RNGTT: variants seen among roughly 807,000 people sequenced by gnomAD.
The protein encoded by RNGTT is RNA guanylyltransferase and 5'-phosphatase.
RNGTT carries 33 observed loss-of-function variants against 79.3 expected under a neutral mutation model. The observed-to-expected ratio is 0.42, with a 90% CI of 0.32 to 0.56. RNGTT has a LOEUF of 0.56. Among genes scored for constraint, RNGTT ranks in the 20% least tolerant of loss-of-function variants. RNGTT has a pLI of 0.17. For synonymous variants in RNGTT, 222 were observed against 235.9 expected (o/e 0.94, Z 0.54); for missense variants, 497 against 739.1 (o/e 0.67, Z 3.80).
intron 11 of RNGTT, among the ~76,000 whole-genome samples, chr6:88,818,598 A>T (rs1238783887): frequency 2.0e-5 from 3 of 152,210 alleles, no homozygotes; most frequent in Admixed American, 6.5e-5. Flanking sequence ...AAAAAAGTTT[A>T]TTTCGTCCAT....
At chr6:88,702,437 T>C (rs914046720) in intron 13 of RNGTT, among the ~76,000 whole-genome samples, 1 of 152,140 alleles carries the variant, frequency 6.6e-6, no homozygotes, top group Non-Finnish European at 1.5e-5. Flanking sequence ...TTTGACAAAG[T>C]TGACAAAAAT....
intron 12 of RNGTT, among the ~76,000 whole-genome samples, chr6:88,772,957 A>C (rs1327395243): frequency 6.6e-6 from 1 of 151,800 alleles, no homozygotes; most frequent in South Asian, 2.1e-4. Flanking sequence ...TGACCCAGCC[A>C]TCCCATTACT....
chr6:88,712,659 A>G (rs1457890833), intron 13 of RNGTT, among the ~76,000 whole-genome samples: 4 of 152,204 alleles, frequency 2.6e-5, no homozygotes, highest in Non-Finnish European at 4.4e-5. Flanking sequence ...TAACTGAGCT[A>G]TGGTCTCTAA....
At chr6:88,947,011 C>A (rs1389266532) in intron 1 of RNGTT, among the ~76,000 whole-genome samples, 2 of 52,330 alleles carry the variant, frequency 3.8e-5, no homozygotes, top group East Asian at 8.8e-4. Flanking sequence ...CACCTCCCAG[C>A]CGCCTGCCTT....
At chr6:88,850,154 C>G (rs1470316811) in intron 9 of RNGTT, among the ~76,000 whole-genome samples, 1 of 151,884 alleles carries the variant, frequency 6.6e-6, no homozygotes, top group African/African-American at 2.4e-5. Context: ...AAATTCTAAA[C>G]GTCAGGATCT....
intron 11 of RNGTT, among the ~76,000 whole-genome samples, chr6:88,843,973 T>C (rs186608039): frequency 5.2e-4 from 79 of 151,198 alleles, no homozygotes; most frequent in South Asian, 1.2e-3. Flanking sequence ...CATACACATA[T>C]ATATAAATGT....
At chr6:88,874,409 G>T (rs998891347) in intron 8 of RNGTT, among the ~76,000 whole-genome samples, 1 of 151,952 alleles carries the variant, frequency 6.6e-6, no homozygotes, top group Non-Finnish European at 1.5e-5. Context: ...AAGATCAAAA[G>T]AATTTTCCCA....
At chr6:88,924,316 A>G (rs562875170) in intron 4 of RNGTT, among the ~76,000 whole-genome samples, 3 of 152,136 alleles carry the variant, frequency 2.0e-5, no homozygotes, top group African/African-American at 7.2e-5. Flanking sequence ...AAGTGAGAAA[A>G]ATTTTTTTCA....
chr6:88,890,275 T>C (rs1445221795), intron 8 of RNGTT, among the ~76,000 whole-genome samples: 1 of 152,220 alleles, frequency 6.6e-6, no homozygotes, highest in East Asian at 1.9e-4. Flanking sequence ...TATGTTAAAC[T>C]AGCTAAGCTC....
chr6:88,697,367 C>A (rs1161922978), intron 13 of RNGTT, among the ~76,000 whole-genome samples: 1 of 151,600 alleles, frequency 6.6e-6, no homozygotes, highest in Non-Finnish European at 1.5e-5. Flanking sequence ...CTGGCTAACA[C>A]GGTGAAACCC....
In RNGTT at chr6:88,771,315, G is replaced by GTATATATATA. The variant is rs539282627; in HGVS notation, c.1339-1451_1339-1442dup. ...ACTGTATGTATGTATGTGTGTGTGT[G>GTATATATATA]TATATATATATATATATATATATAT... On this transcript the variant is annotated intron_variant, in intron 12 of 15. Coordinates refer to ENST00000369485, the MANE Select transcript of RNGTT (RefSeq NM_003800.5). Among the ~76,000 whole-genome samples, 457 of 61,938 alleles carry GTATATATATA rather than the reference G, an allele frequency of 7.4e-3. 5 individuals are homozygous for GTATATATATA. Among genetic ancestry groups the GTATATATATA allele is most frequent in the South Asian group, 0.014 (25 of 1,732 alleles). The allele number at this position is 61,938 out of a possible 152,430, so 40.6% of individuals were successfully genotyped here.
chr6:88,677,979 CTTTTT>C (rs34263662), intron 14 of RNGTT: 9 of 76,336 alleles, frequency 1.2e-4, no homozygotes, highest in African/African-American at 2.8e-4. Flanking sequence ...CTCACATTCA[CTTTTT>C]TTTTTTTTTT....
intron 13 of RNGTT, among the ~76,000 whole-genome samples, chr6:88,691,269 C>T (rs549715625): frequency 6.6e-6 from 1 of 152,280 alleles, no homozygotes; most frequent in African/African-American, 2.4e-5. Context: ...TAAGATGTGC[C>T]TCCTTCCTGT....
At chr6:88,795,202 G>T (rs1388464971) in intron 12 of RNGTT, among the ~76,000 whole-genome samples, 1 of 152,180 alleles carries the variant, frequency 6.6e-6, no homozygotes, top group African/African-American at 2.4e-5. Context: ...AAGAAACCTA[G>T]CAACTATCTT....
chr6:88,678,331 C>A (rs183098652), intron 14 of RNGTT, 22 bp downstream of exon 14: 3 of 1,587,422 alleles, frequency 1.9e-6, no homozygotes, highest in African/African-American at 2.7e-5. Context: ...AGGAAAAGTA[C>A]ACTGAAAATG....
chr6:88,760,828 C>A (rs1410104874), intron 13 of RNGTT, among the ~76,000 whole-genome samples: 2 of 151,768 alleles, frequency 1.3e-5, no homozygotes, highest in Non-Finnish European at 2.9e-5. Flanking sequence ...CCACAATTTC[C>A]TTCTCAAAAA....
intron 1 of RNGTT, among the ~76,000 whole-genome samples, chr6:88,960,956 C>G (rs1387181664): frequency 6.6e-6 from 1 of 152,098 alleles, no homozygotes; most frequent in East Asian, 1.9e-4. Context: ...AGTGTCAACT[C>G]GATTGGATTG....
chr6:88,908,219 A>G (rs1488297482), intron 4 of RNGTT, among the ~76,000 whole-genome samples: 1 of 152,234 alleles, frequency 6.6e-6, no homozygotes, highest in African/African-American at 2.4e-5. Flanking sequence ...AAACACAAAA[A>G]GCATAAAATG....
intron 13 of RNGTT, among the ~76,000 whole-genome samples, chr6:88,726,220 C>T (rs1322535140): frequency 2.0e-5 from 3 of 152,128 alleles, no homozygotes; most frequent in Non-Finnish European, 4.4e-5. Context: ...AGGCCACTGA[C>T]AATCCATAGC....
Sources: allele counts gnomAD v4.1 joint callset (sites outside exome capture counted in the v4.1 genomes callset), GRCh38; gene constraint gnomAD v4.1.1; transcripts MANE v1.5; gene names NCBI Gene and HGNC (gene_info 2026-07-23, HGNC 2026-07-21).